The following ZDHHC14 variants were observed in gnomAD, a reference collection of about 807,000 sequenced individuals.
The protein encoded by ZDHHC14 is zDHHC palmitoyltransferase 14.
In ZDHHC14, 16 loss-of-function variants were observed where a neutral mutation model predicts 47.7. The ratio of observed to expected loss-of-function variants is 0.34; its 90% CI spans 0.23 to 0.51. The LOEUF (loss-of-function observed/expected upper bound fraction) is 0.51, where lower values mean the gene tolerates loss of function less well. ZDHHC14 is among the 20% of genes least tolerant of loss of function. ZDHHC14 has a pLI of 0.97. For missense variants in ZDHHC14, 515 were observed against 662.5 expected (o/e 0.78, Z 2.44); for synonymous variants, 293 against 278.9 (o/e 1.05, Z -0.50).
intron 2 of ZDHHC14, among the ~76,000 whole-genome samples, chr6:157,589,717 C>T (rs1275115655): frequency 6.6e-6 from 1 of 152,084 alleles, no homozygotes; most frequent in African/African-American, 2.4e-5. Context: ...TCAGATATGT[C>T]CTTATAGTAG....
chr6:157,446,289 C>T (rs1778666210), intron 1 of ZDHHC14, among the ~76,000 whole-genome samples: 1 of 152,212 alleles, frequency 6.6e-6, no homozygotes, highest in Non-Finnish European at 1.5e-5. Context: ...CCTCTCGAGC[C>T]TTCTCCACAT....
chr6:157,454,495 C>CTTTTTTTTT (rs1562431681), intron 1 of ZDHHC14, among the ~76,000 whole-genome samples: 2 of 95,006 alleles, frequency 2.1e-5, no homozygotes, highest in African/African-American at 6.9e-5. Context: ...AATGCAGCTT[C>CTTTTTTTTT]TTCTTTTTTT....
chr6:157,419,817 G>T (rs895163277), intron 1 of ZDHHC14, among the ~76,000 whole-genome samples: 3 of 152,214 alleles, frequency 2.0e-5, no homozygotes, highest in Non-Finnish European at 4.4e-5. Context: ...GGACGTGATT[G>T]CTGGATATAT....
intron 1 of ZDHHC14, among the ~76,000 whole-genome samples, chr6:157,400,907 CA>C (rs1225772739): frequency 6.6e-6 from 1 of 152,220 alleles, no homozygotes; most frequent in Non-Finnish European, 1.5e-5. Flanking sequence ...GTGCACTCAC[CA>C]AGCCCAGAAC....
At chr6:157,572,638 TC>T (rs1783145631) in intron 2 of ZDHHC14, among the ~76,000 whole-genome samples, 1 of 97,104 alleles carries the variant, frequency 1.0e-5, no homozygotes, top group East Asian at 3.4e-4. Context: ...ATGCTATCCC[TC>T]CCCCCGCCCC....
chr6:157,550,238 G>A (rs1396323012), intron 2 of ZDHHC14, among the ~76,000 whole-genome samples: 6 of 151,974 alleles, frequency 3.9e-5, no homozygotes, highest in Non-Finnish European at 7.4e-5. Context: ...TCTAGCTAGC[G>A]ACCGCAGCAT....
chr6:157,515,910 C>G (rs1166695684), intron 1 of ZDHHC14, among the ~76,000 whole-genome samples: 1 of 152,036 alleles, frequency 6.6e-6, no homozygotes, highest in African/African-American at 2.4e-5. Flanking sequence ...GGAAAATGTA[C>G]AAATTGTGAA....
At chr6:157,529,822 T>C (rs1781300276) in intron 1 of ZDHHC14, among the ~76,000 whole-genome samples, 1 of 152,210 alleles carries the variant, frequency 6.6e-6, no homozygotes, top group African/African-American at 2.4e-5. Flanking sequence ...TGAGAGACCA[T>C]GCCTTGGGCC....
chr6:157,420,626 C>G (rs1292958755), intron 1 of ZDHHC14, among the ~76,000 whole-genome samples: 1 of 152,158 alleles, frequency 6.6e-6, no homozygotes, highest in African/African-American at 2.4e-5. Context: ...GACTGAGTGG[C>G]CTCGGTCAGC....
intron 1 of ZDHHC14, among the ~76,000 whole-genome samples, chr6:157,499,529 A>G (rs1309105280): frequency 2.0e-5 from 3 of 150,612 alleles, no homozygotes; most frequent in Non-Finnish European, 4.4e-5. Context: ...CAACATATAT[A>G]TGAATTTTGG....
In ZDHHC14 at chr6:157,429,188, T is replaced by C. The variant is rs373001929; in HGVS notation, c.245+46922T>C. Among the ~76,000 whole-genome samples, 9 of 152,238 alleles carry C rather than the reference T, an allele frequency of 5.9e-5. 1 individual carries two copies. Among genetic ancestry groups the C allele is most frequent in the African/African-American group, 1.9e-4 (8 of 41,532 alleles). ...TCATCTCGGCATGGGCGTCGAGACT[T>C]TTAGGTCAGCATTTTTCCCACTGAG... is the stretch of plus-strand genomic sequence containing the variant. On this transcript the variant is annotated intron_variant, in intron 1 of 8. Coordinates refer to ENST00000359775, the MANE Select transcript of ZDHHC14 (RefSeq NM_024630.3).
intron 3 of ZDHHC14, among the ~76,000 whole-genome samples, chr6:157,605,029 G>A (rs1784483189): frequency 6.6e-6 from 1 of 152,228 alleles, no homozygotes; most frequent in African/African-American, 2.4e-5. Context: ...GCTCTCTGTT[G>A]AGTGTTGGCA....
intron 2 of ZDHHC14, among the ~76,000 whole-genome samples, chr6:157,564,278 C>G (rs1195460370): frequency 6.6e-6 from 1 of 152,138 alleles, no homozygotes; most frequent in Non-Finnish European, 1.5e-5. Context: ...AGATTCAGAT[C>G]CCAATTCCCT....
At chr6:157,572,586 C>T (rs981576023) in intron 2 of ZDHHC14, among the ~76,000 whole-genome samples, 37 of 151,016 alleles carry the variant, frequency 2.5e-4, no homozygotes, top group South Asian at 6.3e-4. Context: ...GTTGGTGTGC[C>T]GCACCCATTA....
chr6:157,544,541 G>A (rs749603420), intron 2 of ZDHHC14, among the ~76,000 whole-genome samples: 1 of 152,150 alleles, frequency 6.6e-6, no homozygotes. Flanking sequence ...CCTAGCTACT[G>A]GGGAGGCTGA....
At chr6:157,426,534 G>T (rs577075497) in intron 1 of ZDHHC14, among the ~76,000 whole-genome samples, 1 of 152,158 alleles carries the variant, frequency 6.6e-6, no homozygotes, top group South Asian at 2.1e-4. Flanking sequence ...GCACTCAGGG[G>T]GAGAAGCGCA....
chr6:157,396,261 T>C (rs1171647409), intron 1 of ZDHHC14, among the ~76,000 whole-genome samples: 8 of 152,128 alleles, frequency 5.3e-5, no homozygotes, highest in Non-Finnish European at 1.0e-4. Context: ...CTGCAGAGAC[T>C]TGCTGTCCCA....
intron 2 of ZDHHC14, among the ~76,000 whole-genome samples, chr6:157,562,136 C>T (rs146717986): frequency 1.1e-4 from 17 of 152,228 alleles, no homozygotes; most frequent in East Asian, 3.9e-4. Flanking sequence ...GGCAGTCAGA[C>T]GGAGCAGCTG....
chr6:157,627,099 C>G (rs1387108872), intron 3 of ZDHHC14, among the ~76,000 whole-genome samples: 1 of 152,154 alleles, frequency 6.6e-6, no homozygotes, highest in Non-Finnish European at 1.5e-5. Flanking sequence ...TTATCTTGCA[C>G]TTCCTCTGCC....
Sources: gnomAD v4.1 joint callset for allele counts (sites outside exome capture counted in the v4.1 genomes callset) on GRCh38, gnomAD v4.1.1 for gene constraint, MANE v1.5 for transcripts, NCBI Gene and HGNC (gene_info 2026-07-23, HGNC 2026-07-21) for gene names.